EIF4ENIF1: variants seen among roughly 807,000 people sequenced by gnomAD.
The protein encoded by EIF4ENIF1 is eukaryotic translation initiation factor 4E transporter.
Under a neutral mutation model 110.5 loss-of-function variants are expected in EIF4ENIF1, and 23 were observed. That is an observed-to-expected ratio of 0.21 (90% confidence interval 0.15 to 0.29). The LOEUF is 0.29. EIF4ENIF1 is among the 10% of genes least tolerant of loss of function. The probability of loss-of-function intolerance (pLI) is 1.00; values close to 1 mark genes in which losing one functional copy is unlikely to be tolerated. For missense variants in EIF4ENIF1, 1,031 were observed against 1,221.1 expected (o/e 0.84, Z 2.32); for synonymous variants, 440 against 437.0 (o/e 1.01, Z -0.09).
intron 7 of EIF4ENIF1, among the ~76,000 whole-genome samples, chr22:31,456,540 A>G (rs368500994): frequency 6.6e-6 from 1 of 151,324 alleles, no homozygotes; most frequent in South Asian, 2.1e-4. Flanking sequence ...TTTTTAAGAC[A>G]GTCTCGCTCT....
intron 2 of EIF4ENIF1, among the ~76,000 whole-genome samples, chr22:31,474,064 CTTT>C (rs71878640): frequency 6.9e-6 from 1 of 145,512 alleles, no homozygotes; most frequent in East Asian, 2.0e-4. Context: ...AGTTTTTCCT[CTTT>C]TTTTTTTTTT....
chr22:31,441,820 C>T lies in EIF4ENIF1; in HGVS notation c.2505G>A (p.Leu835=). Residue 835 remains leucine, a synonymous_variant, in exon 17 of 19, where the codon CTG becomes CTA. Coordinates refer to ENST00000330125, the MANE Select transcript of EIF4ENIF1 (RefSeq NM_019843.4). ...QLHPGLVQRM[L]AQGVHPQHLP... is the part of the protein sequence containing the mutation. ...GATGCTGTGGATGTACTCCCTGGGC[C>T]AGCATCCTCTGTACCAACCCTGGGT... is the stretch of plus-strand genomic sequence containing the variant. 6.2e-7 allele frequency: 1 copy of T among 1,614,068 alleles called. No individual in the cohort carries two copies. The highest frequency in any genetic ancestry group is 8.5e-7 in the Non-Finnish European group (1 of 1,179,988).
intron 6 of EIF4ENIF1, among the ~76,000 whole-genome samples, chr22:31,460,213 A>G (rs2050947504): frequency 6.6e-6 from 1 of 152,224 alleles, no homozygotes; most frequent in Non-Finnish European, 1.5e-5. Context: ...GAAGACTACA[A>G]AAGAAGATGA....
intron 3 of EIF4ENIF1, among the ~76,000 whole-genome samples, chr22:31,470,857 A>G (rs2051351383): frequency 6.6e-6 from 1 of 151,312 alleles, no homozygotes; most frequent in African/African-American, 2.4e-5. Context: ...CATAAATACA[A>G]AAACATTAGC....
chr22:31,488,838 T>C (rs758364043), intron 1 of EIF4ENIF1, 93 bp from the exon 2 acceptor site: 3 of 1,398,824 alleles, frequency 2.1e-6, no homozygotes, highest in Non-Finnish European at 2.8e-6. Flanking sequence ...TTTTAATCTC[T>C]CAAAACAGCT....
At chr22:31,448,365 C>T (rs1377281563) in intron 12 of EIF4ENIF1, 133 bp from the exon 13 acceptor site, 1 of 877,286 alleles carries the variant, frequency 1.1e-6, no homozygotes, top group African/African-American at 1.6e-5. Context: ...TGACAGATGT[C>T]CCTCTCCCTC....
chr22:31,448,157 G>A lies in EIF4ENIF1; in HGVS notation c.1844C>T (p.Ala615Val), dbSNP rs967780440. The A allele has an allele frequency of 6.2e-7, 1 of 1,614,186 alleles. No individual in the cohort carries two copies. Among genetic ancestry groups the A allele is most frequent in the Admixed American group, 1.7e-5 (1 of 60,016 alleles). ...TTTGAGAAAGCTCAGCCTGACCTGG[G>A]CTGTGATGGGGCTCATGGGTTTGCG... ...GMRKPMSPIT[A>V]QMSQLELQQA... The change falls in exon 13 of 19, where the codon GCC becomes GTC. Residue 615 changes from alanine (A) to valine (V), a missense_variant. By Grantham distance (64) the Ala-to-Val change is moderately conservative. Coordinates refer to ENST00000330125, the MANE Select transcript of EIF4ENIF1 (RefSeq NM_019843.4).
chr22:31,477,001 G>GTT (rs1219950062), intron 2 of EIF4ENIF1, among the ~76,000 whole-genome samples: 1,639 of 147,846 alleles, frequency 0.011, 13 homozygotes, highest in Middle Eastern at 0.022. Flanking sequence ...AAAAAAAAAG[G>GTT]CAGGGCATGG....
At chr22:31,461,997 C>T (rs1477769455) in intron 6 of EIF4ENIF1, among the ~76,000 whole-genome samples, 1 of 152,224 alleles carries the variant, frequency 6.6e-6, no homozygotes, top group Non-Finnish European at 1.5e-5. Context: ...ACAAAATACA[C>T]TCACCACTGT....
chr22:31,489,930 C>T (rs531402225), upstream of EIF4ENIF1: 1 of 152,374 alleles, frequency 6.6e-6, no homozygotes, highest in African/African-American at 2.4e-5. Flanking sequence ...GCCTTCCCCG[C>T]CGCGCGCCCG....
At chr22:31,464,028 A>G (rs2051089875) in intron 4 of EIF4ENIF1, 61 bp from the exon 5 acceptor site, 1 of 1,549,394 alleles carries the variant, frequency 6.5e-7, no homozygotes, top group South Asian at 1.2e-5. Context: ...CTTCTTTTTT[A>G]GATAGTATGT....
intron 7 of EIF4ENIF1, among the ~76,000 whole-genome samples, chr22:31,457,872 C>G (rs2050876291): frequency 6.6e-6 from 1 of 152,094 alleles, no homozygotes; most frequent in South Asian, 2.1e-4. Flanking sequence ...TGATACATCA[C>G]TGTGAAAAAT....
intron 16 of EIF4ENIF1, 141 bp downstream of exon 16, chr22:31,442,821 C>T (rs1410240133): frequency 2.6e-6 from 3 of 1,141,900 alleles, no homozygotes; most frequent in Non-Finnish European, 3.7e-6. Flanking sequence ...AGAACCTTCT[C>T]ACTGACACAG....
chr22:31,463,398 G>A (rs564979156), intron 5 of EIF4ENIF1, among the ~76,000 whole-genome samples: 1 of 152,158 alleles, frequency 6.6e-6, no homozygotes, highest in Admixed American at 6.5e-5. Flanking sequence ...ACAAACCCAG[G>A]TCGGGTGTGG....
intron 2 of EIF4ENIF1, among the ~76,000 whole-genome samples, chr22:31,476,350 G>A (rs999119011): frequency 5.3e-5 from 8 of 152,250 alleles, no homozygotes; most frequent in Non-Finnish European, 1.2e-4. Flanking sequence ...CACTACAGCT[G>A]TTTGCTGAAC....
In EIF4ENIF1 at chr22:31,456,286, C is replaced by G. The variant is rs373414936; in HGVS notation, c.964-299G>C. 4.0e-5 allele frequency among the ~76,000 whole-genome samples: 6 copies of G among 149,616 alleles called. No individual in the cohort carries two copies. In the South Asian group the frequency reaches 6.4e-4, roughly 16 times the overall value. On this transcript the variant is annotated intron_variant, in intron 7 of 18. Coordinates refer to ENST00000330125, the MANE Select transcript of EIF4ENIF1 (RefSeq NM_019843.4). ...TCACCCAGGCTGGAGTGCAGTGGCACGATCTCGGCTCACTGCAAGCTCCGC... is the reference window on the plus strand; with the variant it reads ...TCACCCAGGCTGGAGTGCAGTGGCAGGATCTCGGCTCACTGCAAGCTCCGC...
intron 4 of EIF4ENIF1, chr22:31,464,326 T>C: frequency 4.6e-6 from 1 of 215,134 alleles, no homozygotes; most frequent in East Asian, 1.3e-4. Context: ...AAAGTTAAAG[T>C]GTCTCTTCAA....
chr22:31,449,680 C>G (rs2050588550), intron 11 of EIF4ENIF1, 149 bp from the exon 12 acceptor site: 1 of 631,720 alleles, frequency 1.6e-6, no homozygotes, highest in African/African-American at 1.9e-5. Flanking sequence ...ACACATTTAT[C>G]TGAATGTTCA....
At chr22:31,460,459 C>A (rs976134597) in intron 6 of EIF4ENIF1, among the ~76,000 whole-genome samples, 6 of 150,384 alleles carry the variant, frequency 4.0e-5, no homozygotes, top group African/African-American at 1.5e-4. Flanking sequence ...CGGTGAAACA[C>A]CATCTCTACT....
Sources: allele counts gnomAD v4.1 joint callset (sites outside exome capture counted in the v4.1 genomes callset), GRCh38; gene constraint gnomAD v4.1.1; transcripts MANE v1.5; gene names NCBI Gene and HGNC (gene_info 2026-07-23, HGNC 2026-07-21).